The following TEX36 variants were observed in gnomAD, a reference collection of about 807,000 sequenced individuals.
TEX36 encodes the protein testis-expressed protein 36.
In TEX36, 12 loss-of-function variants were observed where a neutral mutation model predicts 13.6. The ratio of observed to expected loss-of-function variants is 0.88; its 90% CI spans 0.56 to 1.43. The LOEUF (loss-of-function observed/expected upper bound fraction) is 1.43, where lower values mean the gene tolerates loss of function less well. TEX36 is among the 40% of genes most tolerant of loss of function. The pLI is 0.00. For synonymous variants in TEX36, 93 were observed against 83.0 expected, an observed-to-expected ratio of 1.12 and a Z score of -0.65; for missense variants, 224 against 228.3, an observed-to-expected ratio of 0.98 and a Z score of 0.12.
chr10:125,580,891 G>C (rs1399833381), intron 3 of TEX36, among the ~76,000 whole-genome samples: 1 of 152,172 alleles, frequency 6.6e-6, no homozygotes, highest in Non-Finnish European at 1.5e-5. Context: ...GGAGCTGGAA[G>C]GGAAGAGTCC....
intron 3 of TEX36, among the ~76,000 whole-genome samples, chr10:125,636,468 C>T (rs558252058): frequency 2.0e-5 from 3 of 152,092 alleles, no homozygotes; most frequent in Admixed American, 1.3e-4. Context: ...CCTGCCTCGG[C>T]CTCCCAAAGT....
chr10:125,603,468 G>A (rs1282050923), intron 3 of TEX36, among the ~76,000 whole-genome samples: 1 of 151,890 alleles, frequency 6.6e-6, no homozygotes, highest in East Asian at 1.9e-4. Flanking sequence ...CCGCCACCCA[G>A]TGCTTCTCTT....
At position 125,591,356 on chromosome 10, in the gene TEX36, C is replaced by G. The variant is rs146617121; in HGVS notation, c.265-14482G>C. On this transcript the variant is annotated intron_variant, in intron 3 of 3. Transcript: ENST00000532135. ...GAAAGTTTAAATTCAATGTAGTCCC[C>G]AAATCCCCCCAAACCCTTGCAATTT... is the stretch of plus-strand genomic sequence containing the variant. 8.3e-4 allele frequency among the ~76,000 whole-genome samples: 126 copies of G among 152,266 alleles called. No homozygotes were observed. In the East Asian group the frequency reaches 0.023, roughly 28 times the overall value.
At chr10:125,624,601 G>C (rs920965676) in intron 3 of TEX36, among the ~76,000 whole-genome samples, 19 of 151,864 alleles carry the variant, frequency 1.3e-4, no homozygotes, top group Admixed American at 1.0e-3. Flanking sequence ...GCTTGTTCTG[G>C]TGAGCTCATC....
chr10:125,600,881 G>A (rs775643371), intron 3 of TEX36, among the ~76,000 whole-genome samples: 29 of 152,116 alleles, frequency 1.9e-4, no homozygotes, highest in Admixed American at 9.2e-4. Flanking sequence ...TGAATACCGC[G>A]GCCCATTTCT....
chr10:125,630,003 C>A (rs1846532945), intron 3 of TEX36, among the ~76,000 whole-genome samples: 1 of 152,074 alleles, frequency 6.6e-6, no homozygotes, highest in East Asian at 1.9e-4. Flanking sequence ...ATTTTTAAGA[C>A]CAGAAGACAT....
At chr10:125,666,939 G>A (rs955762009) in intron 1 of TEX36, 3 of 677,420 alleles carry the variant, frequency 4.4e-6, no homozygotes, top group Non-Finnish European at 7.3e-6. Flanking sequence ...ACTGCTTGGG[G>A]TGTACTTTCC....
At chr10:125,579,807 C>T (rs1025490222) in intron 3 of TEX36, among the ~76,000 whole-genome samples, 4 of 152,068 alleles carry the variant, frequency 2.6e-5, no homozygotes, top group African/African-American at 7.2e-5. Context: ...CTTGACATTC[C>T]ACCATGATTG....
chr10:125,610,640 C>T (rs1846277318), intron 3 of TEX36, among the ~76,000 whole-genome samples: 9 of 152,004 alleles, frequency 5.9e-5, no homozygotes, highest in Admixed American at 5.9e-4. Flanking sequence ...TTTTGGGGAT[C>T]TATCTTTTCA....
intron 3 of TEX36, among the ~76,000 whole-genome samples, chr10:125,608,378 AACTG>A (rs1282281779): frequency 6.6e-6 from 1 of 152,242 alleles, no homozygotes; most frequent in East Asian, 1.9e-4. Flanking sequence ...TAACTTAGTA[AACTG>A]ACTGTTACAA....
chr10:125,668,310 AT>A (rs58817917), intron 1 of TEX36, among the ~76,000 whole-genome samples: 161 of 145,000 alleles, frequency 1.1e-3, no homozygotes, highest in Admixed American at 2.4e-3. Flanking sequence ...TTGTTGGGAG[AT>A]TTTTTTTTTT....
At chr10:125,631,748 G>A (rs776839542) in intron 3 of TEX36, among the ~76,000 whole-genome samples, 12 of 152,152 alleles carry the variant, frequency 7.9e-5, no homozygotes, top group Non-Finnish European at 1.8e-4. Context: ...ATGTCAACGC[G>A]TGCTATATGT....
chr10:125,611,143 A>G (rs1846284452), intron 3 of TEX36, among the ~76,000 whole-genome samples: 1 of 152,118 alleles, frequency 6.6e-6, no homozygotes, highest in African/African-American at 2.4e-5. Flanking sequence ...TTAGACAGTT[A>G]TGTTGTTTTC....
At position 125,585,191 on chromosome 10, in the gene TEX36, T is replaced by A. The variant is rs552805910; in HGVS notation, c.265-8317A>T. Among the ~76,000 whole-genome samples, 431 of 152,220 alleles carry A rather than the reference T, an allele frequency of 2.8e-3. 1 individual carries two copies. Among genetic ancestry groups the A allele is most frequent in the Middle Eastern group, 6.8e-3 (2 of 294 alleles). ...GCACAAAGACATAGCAGGTCAGTCA[T>A]CCCCTGGCTTAAGGTGTGTCCCGAG... On this transcript the variant is annotated intron_variant, in intron 3 of 3. Transcript: ENST00000532135.
chr10:125,651,366 C>A (rs897654731), downstream of TEX36, among the ~76,000 whole-genome samples: 2 of 152,254 alleles, frequency 1.3e-5, no homozygotes, highest in South Asian at 4.1e-4. Context: ...AAACGTAACC[C>A]ATCATATAAA....
At chr10:125,627,323 T>C (rs905880347) in intron 3 of TEX36, among the ~76,000 whole-genome samples, 1 of 152,200 alleles carries the variant, frequency 6.6e-6, no homozygotes, top group African/African-American at 2.4e-5. Context: ...TGAAAATATA[T>C]CTTGGCTATT....
chr10:125,601,645 T>C (rs1846148304), intron 3 of TEX36, among the ~76,000 whole-genome samples: 1 of 152,236 alleles, frequency 6.6e-6, no homozygotes, highest in South Asian at 2.1e-4. Flanking sequence ...GCACACTGCT[T>C]CCAGTTGCTT....
At chr10:125,675,415 G>A (rs1319110856) in intron 1 of TEX36, among the ~76,000 whole-genome samples, 1 of 152,098 alleles carries the variant, frequency 6.6e-6, no homozygotes, top group African/African-American at 2.4e-5. Flanking sequence ...GGCACCCACG[G>A]TGATGATGGC....
rs117706641 is a variant in TEX36, at chr10:125,604,090, C to T, written c.265-27216G>A. On this transcript the variant is annotated intron_variant, in intron 3 of 3. Coordinates refer to the TEX36 transcript ENST00000532135. ...CAGAGTTGATAAGTCGGGGAGGAGT[C>T]CTCAGGAAAAGAAACATGTTTCCCA... Among the ~76,000 whole-genome samples, 54 of 152,184 alleles carry T rather than the reference C, an allele frequency of 3.5e-4. 1 individual carries two copies. The East Asian group carries it at 9.7e-3, about 27-fold the overall frequency.
Sources: allele counts gnomAD v4.1 joint callset (sites outside exome capture counted in the v4.1 genomes callset), GRCh38; gene constraint gnomAD v4.1.1; transcripts MANE v1.5; gene names NCBI Gene and HGNC (gene_info 2026-07-23, HGNC 2026-07-21).